CTNNA3: variants seen among roughly 807,000 people sequenced by gnomAD.
CTNNA3 encodes catenin alpha 3, also known as catenin alpha-3.
In CTNNA3, 76 loss-of-function variants were observed where a neutral mutation model predicts 95.7. The observed-to-expected ratio is 0.79, with a 90% CI of 0.66 to 0.96. CTNNA3 has a LOEUF of 0.96. Among genes scored for constraint, CTNNA3 ranks in the 40% least tolerant of loss-of-function variants. CTNNA3 has a pLI of 0.00. For synonymous variants in CTNNA3, 431 were observed against 374.4 expected, an observed-to-expected ratio of 1.15 and a Z score of -1.74; for missense variants, 1,191 against 1,089.8, an observed-to-expected ratio of 1.09 and a Z score of -1.31.
chr10:67,350,274 G>C (rs1842580880), intron 5 of CTNNA3, among the ~76,000 whole-genome samples: 1 of 151,996 alleles, frequency 6.6e-6, no homozygotes, highest in Non-Finnish European at 1.5e-5. Flanking sequence ...AATCAGTAAA[G>C]GGTCATGAAC....
intron 3 of CTNNA3, among the ~76,000 whole-genome samples, chr10:67,558,696 C>T (rs975219474): frequency 3.3e-5 from 5 of 152,328 alleles, no homozygotes; most frequent in African/African-American, 4.8e-5. Context: ...TTGCCTCACT[C>T]GAGAAGCGCA....
chr10:66,948,471 A>G (rs904912859), intron 7 of CTNNA3, among the ~76,000 whole-genome samples: 2 of 152,352 alleles, frequency 1.3e-5, no homozygotes, highest in Admixed American at 6.5e-5. Context: ...TACATGTGTT[A>G]TGTGACACTT....
intron 12 of CTNNA3, among the ~76,000 whole-genome samples, chr10:66,335,685 A>C (rs2092386722): frequency 6.6e-6 from 1 of 152,076 alleles, no homozygotes; most frequent in Non-Finnish European, 1.5e-5. Flanking sequence ...TCAGGGACCC[A>C]CTTGAGGAGG....
intron 13 of CTNNA3, among the ~76,000 whole-genome samples, chr10:66,228,110 A>G (rs1251890252): frequency 6.6e-6 from 1 of 151,744 alleles, no homozygotes; most frequent in East Asian, 1.9e-4. Flanking sequence ...TCTTTCCAAA[A>G]CACTATCATT....
At chr10:66,552,138 C>T (rs1842239009) in intron 10 of CTNNA3, among the ~76,000 whole-genome samples, 2 of 152,034 alleles carry the variant, frequency 1.3e-5, no homozygotes, top group African/African-American at 4.8e-5. Context: ...CTCCTGACCT[C>T]TTGATCCACC....
At chr10:66,323,056 A>G (rs1026236814) in intron 12 of CTNNA3, among the ~76,000 whole-genome samples, 4 of 151,980 alleles carry the variant, frequency 2.6e-5, no homozygotes, top group Non-Finnish European at 5.9e-5. Context: ...TATTTGGCTT[A>G]TGGGTATCTG....
intron 5 of CTNNA3, among the ~76,000 whole-genome samples, chr10:67,257,548 T>G (rs765480343): frequency 1.4e-4 from 22 of 152,208 alleles, no homozygotes; most frequent in Non-Finnish European, 2.5e-4. Context: ...TTTATAACTT[T>G]AATGTTCTAC....
intron 11 of CTNNA3, among the ~76,000 whole-genome samples, chr10:66,400,133 T>A (rs1320092043): frequency 6.6e-6 from 1 of 151,590 alleles, no homozygotes; most frequent in Non-Finnish European, 1.5e-5. Context: ...AAGAAGCTGA[T>A]AAAAAATGAA....
At chr10:67,686,126 T>C (rs775260712) in intron 1 of CTNNA3, among the ~76,000 whole-genome samples, 2 of 152,238 alleles carry the variant, frequency 1.3e-5, no homozygotes, top group Non-Finnish European at 2.9e-5. Flanking sequence ...TCCCTTTCTT[T>C]CCATATTGCA....
chr10:66,087,450 C>T (rs751381427), intron 14 of CTNNA3, among the ~76,000 whole-genome samples: 12 of 152,094 alleles, frequency 7.9e-5, no homozygotes, highest in Non-Finnish European at 2.9e-5. Context: ...ACCAGAGATG[C>T]TGCTAAACAC....
chr10:67,622,038 T>C (rs180888191), intron 2 of CTNNA3, among the ~76,000 whole-genome samples: 1 of 152,134 alleles, frequency 6.6e-6, no homozygotes, highest in East Asian at 1.9e-4. Context: ...CAACCACTGG[T>C]CTAGAGTCAG....
Position 67,501,172 on chromosome 10 carries a change from C to T in CTNNA3, c.579+20670G>A, listed in dbSNP as rs1216822332. 4.6e-5 allele frequency among the ~76,000 whole-genome samples: 7 copies of T among 152,184 alleles called. No individual in the cohort carries two copies. In the East Asian group the frequency reaches 1.3e-3, roughly 29 times the overall value. The stretch of plus-strand genomic sequence containing the variant: ...AAGGCAGGCCTGGTGGTGACAAAAT[C>T]TCTCAGCATTTTTTGTCTCTAAAGG... On this transcript the variant is annotated intron_variant, in intron 5 of 17. Transcript: ENST00000433211.
At position 66,531,202 on chromosome 10, in the gene CTNNA3, T is replaced by A. The variant is rs139621000; in HGVS notation, c.1375-10429A>T. 6.6e-4 allele frequency among the ~76,000 whole-genome samples: 101 copies of A among 152,064 alleles called. 1 individual carries two copies. The East Asian group carries it at 0.018, about 28-fold the overall frequency. ...AAAACAAAATCACCAATACGTAGGG[T>A]TTGTAGACTAATAAAAATAGAATTT... On this transcript the variant is annotated intron_variant, in intron 10 of 17. Coordinates refer to ENST00000433211, the MANE Select transcript of CTNNA3 (RefSeq NM_013266.4).
At chr10:66,422,145 T>C (rs1478147895) in intron 11 of CTNNA3, among the ~76,000 whole-genome samples, 1 of 152,012 alleles carries the variant, frequency 6.6e-6, no homozygotes, top group Non-Finnish European at 1.5e-5. Flanking sequence ...ATATATTCTT[T>C]ACTTTATAAT....
intron 5 of CTNNA3, among the ~76,000 whole-genome samples, chr10:67,245,836 C>A (rs1454480872): frequency 1.5e-5 from 2 of 134,754 alleles, no homozygotes; most frequent in Non-Finnish European, 3.0e-5. Context: ...GCCTGGGTGA[C>A]AGTGCGAGAC....
Position 66,358,277 on chromosome 10 carries a change from G to C in CTNNA3, c.1732+20875C>G, listed in dbSNP as rs571915281. On this transcript the variant is annotated intron_variant, in intron 12 of 17. Transcript: ENST00000433211. ...TCTGGCCTGAGAAAGTGTTTTGCTT[G>C]GAGGTTTTTTGTCCATGCTTGGTGT... is the stretch of plus-strand genomic sequence containing the variant. 5.9e-5 allele frequency among the ~76,000 whole-genome samples: 9 copies of C among 152,136 alleles called. 1 individual carries two copies. The South Asian group carries it at 1.9e-3, about 32-fold the overall frequency.
chr10:66,140,217 C>T (rs1013173444), intron 13 of CTNNA3, among the ~76,000 whole-genome samples: 1 of 152,092 alleles, frequency 6.6e-6, no homozygotes, highest in African/African-American at 2.4e-5. Flanking sequence ...ATTTTTGCAC[C>T]AAAAGCAGAG....
At chr10:66,476,250 T>C (rs927719914) in intron 11 of CTNNA3, among the ~76,000 whole-genome samples, 5 of 151,724 alleles carry the variant, frequency 3.3e-5, no homozygotes, top group Admixed American at 1.3e-4. Flanking sequence ...TCAGAAAAAA[T>C]AGCTAATGAA....
chr10:66,172,695 T>C (rs567260481), intron 13 of CTNNA3, among the ~76,000 whole-genome samples: 1 of 152,234 alleles, frequency 6.6e-6, no homozygotes, highest in Non-Finnish European at 1.5e-5. Context: ...AGAATTCATA[T>C]ACAGTGAAGA....
Sources: allele counts gnomAD v4.1 joint callset (sites outside exome capture counted in the v4.1 genomes callset), GRCh38; gene constraint gnomAD v4.1.1; transcripts MANE v1.5; gene names NCBI Gene and HGNC (gene_info 2026-07-23, HGNC 2026-07-21).